The following ADAM18 variants were observed in gnomAD, a reference collection of about 807,000 sequenced individuals.
The protein encoded by ADAM18 is disintegrin and metalloproteinase domain-containing protein 18.
In ADAM18, 117 loss-of-function variants were observed where a neutral mutation model predicts 94.4. That is an observed-to-expected ratio of 1.24 (90% confidence interval 1.07 to 1.45). ADAM18 has a LOEUF of 1.45. Among genes scored for constraint, ADAM18 ranks in the 40% most tolerant of loss-of-function variants. The pLI is 0.00. For synonymous variants in ADAM18, 327 were observed against 291.6 expected (o/e 1.12, Z -1.24); for missense variants, 936 against 880.0 (o/e 1.06, Z -0.81).
intron 13 of ADAM18, among the ~76,000 whole-genome samples, chr8:39,665,769 A>G (rs1414279296): frequency 6.6e-6 from 1 of 152,176 alleles, no homozygotes; most frequent in Non-Finnish European, 1.5e-5. Flanking sequence ...TTCATATTTC[A>G]TTTCATGTGT....
chr8:39,725,610 C>G (rs1276397537), intron 19 of ADAM18, among the ~76,000 whole-genome samples: 1 of 152,154 alleles, frequency 6.6e-6, no homozygotes, highest in African/African-American at 2.4e-5. Flanking sequence ...ATATTTCACA[C>G]AAATTTTGTC....
chr8:39,589,630 A>G (rs1474925863), intron 2 of ADAM18, among the ~76,000 whole-genome samples: 1 of 151,718 alleles, frequency 6.6e-6, no homozygotes, highest in Non-Finnish European at 1.5e-5. Context: ...ATATATAAAT[A>G]TATACACCAA....
At chr8:39,664,175 C>T (rs1188983443) in intron 13 of ADAM18, among the ~76,000 whole-genome samples, 2 of 152,094 alleles carry the variant, frequency 1.3e-5, no homozygotes, top group African/African-American at 4.8e-5. Flanking sequence ...GAGATTTATT[C>T]CTGTTGTGTC....
At chr8:39,675,522 T>C (rs940270445) in intron 14 of ADAM18, among the ~76,000 whole-genome samples, 2 of 152,206 alleles carry the variant, frequency 1.3e-5, no homozygotes, top group Admixed American at 6.5e-5. Context: ...TAGCCATTCA[T>C]CTAATCTTTT....
intron 14 of ADAM18, among the ~76,000 whole-genome samples, chr8:39,672,862 G>A (rs1286300246): frequency 3.3e-5 from 5 of 152,190 alleles, no homozygotes; most frequent in South Asian, 2.1e-4. Context: ...TGGTCTCCCT[G>A]TGAGAGTGAG....
At chr8:39,696,641 A>C (rs1178217028) in intron 17 of ADAM18, among the ~76,000 whole-genome samples, 2 of 151,512 alleles carry the variant, frequency 1.3e-5, no homozygotes, top group African/African-American at 4.8e-5. Flanking sequence ...TACCCATTGA[A>C]TGGTCATGGA....
intron 10 of ADAM18, among the ~76,000 whole-genome samples, chr8:39,644,508 G>A (rs1480144910): frequency 6.6e-6 from 1 of 152,014 alleles, no homozygotes; most frequent in Non-Finnish European, 1.5e-5. Flanking sequence ...GGCTGGTCTT[G>A]AGTTCCTGGC....
At position 39,680,036 on chromosome 8, in the gene ADAM18, G is replaced by C; in HGVS notation, c.1632-1G>C. The C allele has an allele frequency of 6.2e-7, 1 of 1,613,244 alleles. No individual in the cohort carries two copies. On this transcript the variant is annotated splice_acceptor_variant, in intron 15 of 19. Coordinates refer to ENST00000265707, the MANE Select transcript of ADAM18 (RefSeq NM_014237.3). LOFTEE classifies it high-confidence loss of function. Reference sequence around the variant, plus strand: ...AGGAACTTTTTGCTTTCCACTTCCAGGGATGTTCTCTGTGGAAAATTAGCT... The same window carrying C: ...AGGAACTTTTTGCTTTCCACTTCCACGGATGTTCTCTGTGGAAAATTAGCT...
chr8:39,704,314 T>C (rs1054025471), intron 17 of ADAM18, among the ~76,000 whole-genome samples: 1 of 152,022 alleles, frequency 6.6e-6, no homozygotes, highest in African/African-American at 2.4e-5. Context: ...CTCAACAAAA[T>C]ACTGGTCAAC....
chr8:39,674,914 T>C (rs1183527934), intron 14 of ADAM18, among the ~76,000 whole-genome samples: 9 of 152,364 alleles, frequency 5.9e-5, no homozygotes, highest in African/African-American at 2.2e-4. Context: ...AATTCTGGGT[T>C]GAAAATTCTT....
At chr8:39,647,679 G>C (rs985786537) in intron 11 of ADAM18, among the ~76,000 whole-genome samples, 19 of 152,186 alleles carry the variant, frequency 1.2e-4, no homozygotes, top group African/African-American at 4.3e-4. Flanking sequence ...AGAGGTCCCT[G>C]TGGCTTTCCG....
At chr8:39,677,099 T>A (rs962463650) in intron 14 of ADAM18, among the ~76,000 whole-genome samples, 1 of 152,212 alleles carries the variant, frequency 6.6e-6, no homozygotes, top group African/African-American at 2.4e-5. Context: ...TGTCCATAAG[T>A]GACATGCTTC....
At chr8:39,727,936 C>A (rs1444517147) in intron 19 of ADAM18, among the ~76,000 whole-genome samples, 1 of 152,190 alleles carries the variant, frequency 6.6e-6, no homozygotes, top group Non-Finnish European at 1.5e-5. Flanking sequence ...AATCGGCTCA[C>A]AGTTCTGCAG....
At chr8:39,660,960 T>C (rs1407456048) in intron 12 of ADAM18, among the ~76,000 whole-genome samples, 2 of 152,138 alleles carry the variant, frequency 1.3e-5, no homozygotes, top group African/African-American at 4.8e-5. Flanking sequence ...GTTTTAAATG[T>C]TCCATAGGTG....
At chr8:39,585,178 T>G (rs1301581194) in intron 1 of ADAM18, 98 bp from the exon 2 acceptor site, 1 of 838,842 alleles carries the variant, frequency 1.2e-6, no homozygotes, top group Non-Finnish European at 1.9e-6. Context: ...CTTAAAATTT[T>G]AGGCGCCACC....
intron 6 of ADAM18, chr8:39,611,008 T>TA: frequency 2.7e-6 from 3 of 1,125,552 alleles, no homozygotes; most frequent in Non-Finnish European, 2.2e-6. Context: ...AGTACCTTGG[T>TA]AAAATTACTT....
chr8:39,671,947 A>G (rs1319492788), intron 14 of ADAM18, among the ~76,000 whole-genome samples: 1 of 152,160 alleles, frequency 6.6e-6, no homozygotes, highest in Non-Finnish European at 1.5e-5. Flanking sequence ...GAGGAACACA[A>G]CATGGGATGG....
intron 19 of ADAM18, among the ~76,000 whole-genome samples, chr8:39,724,276 T>G (rs1206649379): frequency 6.6e-6 from 1 of 151,830 alleles, no homozygotes; most frequent in African/African-American, 2.4e-5. Flanking sequence ...TTTTCTGTTC[T>G]TTATTAAGTC....
chr8:39,661,915 A>C (rs1052998228), intron 12 of ADAM18, among the ~76,000 whole-genome samples: 4 of 150,210 alleles, frequency 2.7e-5, no homozygotes, highest in African/African-American at 9.8e-5. Context: ...TAGTGTTACA[A>C]ATTAGGCTTA....
Sources: gnomAD v4.1 joint callset for allele counts (sites outside exome capture counted in the v4.1 genomes callset) on GRCh38, gnomAD v4.1.1 for gene constraint, MANE v1.5 for transcripts, NCBI Gene and HGNC (gene_info 2026-07-23, HGNC 2026-07-21) for gene names.